Variants in PPP6R2 observed in about 807,000 individuals in gnomAD.
PPP6R2 encodes the protein serine/threonine-protein phosphatase 6 regulatory subunit 2.
PPP6R2 carries 62 observed loss-of-function variants against 100.2 expected under a neutral mutation model. That is an observed-to-expected ratio of 0.62 (90% CI 0.50 to 0.76). The LOEUF is 0.76. Among genes scored for constraint, PPP6R2 ranks in the 30% least tolerant of loss-of-function variants. The pLI is 0.00. For missense variants in PPP6R2, 1,142 were observed against 1,276.3 expected (o/e 0.89, Z 1.60); for synonymous variants, 525 against 514.7 (o/e 1.02, Z -0.27).
chr22:50,420,822 C>G (rs2061234065), intron 8 of PPP6R2, among the ~76,000 whole-genome samples: 1 of 152,246 alleles, frequency 6.6e-6, no homozygotes. Context: ...GCCCTTGAAC[C>G]CCATCTCTGG....
intron 1 of PPP6R2, among the ~76,000 whole-genome samples, chr22:50,350,887 A>G (rs1234014060): frequency 1.3e-5 from 2 of 151,662 alleles, no homozygotes; most frequent in Non-Finnish European, 2.9e-5. Context: ...GGGCTGCAGT[A>G]TGGAGTATGT....
At chr22:50,432,362 C>T (rs1350487531) in intron 12 of PPP6R2, 33 bp downstream of exon 12, 2 of 1,535,498 alleles carry the variant, frequency 1.3e-6, no homozygotes, top group Non-Finnish European at 1.8e-6. Flanking sequence ...GGGACCCAGC[C>T]TGGCCAGTCA....
chr22:50,383,550 G>A (rs1477650387), intron 2 of PPP6R2, among the ~76,000 whole-genome samples: 1 of 152,158 alleles, frequency 6.6e-6, no homozygotes, highest in African/African-American at 2.4e-5. Context: ...TGGCCCCCAA[G>A]TATGTCTTGT....
intron 5 of PPP6R2, 98 bp from the exon 6 acceptor site, chr22:50,415,994 T>C (rs1383042508): frequency 4.6e-6 from 5 of 1,091,068 alleles, no homozygotes; most frequent in South Asian, 3.9e-5. Flanking sequence ...GAGTCTATAT[T>C]CTAGAAAACG....
chr22:50,362,934 C>T (rs1222255695), intron 1 of PPP6R2, among the ~76,000 whole-genome samples: 3 of 152,128 alleles, frequency 2.0e-5, no homozygotes, highest in South Asian at 2.1e-4. Context: ...ACGAAGACAC[C>T]GGGTCAGTGG....
At chr22:50,384,242 A>G (rs2053726220) in intron 2 of PPP6R2, among the ~76,000 whole-genome samples, 2 of 152,024 alleles carry the variant, frequency 1.3e-5, no homozygotes, top group Admixed American at 6.6e-5. Flanking sequence ...TCTGCTGTTT[A>G]GAATACCTGA....
chr22:50,439,889 C>G, intron 20 of PPP6R2, 32 bp downstream of exon 20: 1 of 1,607,440 alleles, frequency 6.2e-7, no homozygotes, highest in Non-Finnish European at 8.5e-7. Flanking sequence ...GGGGGCTGTG[C>G]CAGGAAGTGC....
At chr22:50,432,361 C>T in intron 12 of PPP6R2, 32 bp downstream of exon 12, 1 of 1,534,824 alleles carries the variant, frequency 6.5e-7, no homozygotes, top group Non-Finnish European at 8.8e-7. Flanking sequence ...AGGGACCCAG[C>T]CTGGCCAGTC....
chr22:50,409,756 T>G (rs2059482250), intron 4 of PPP6R2, among the ~76,000 whole-genome samples: 1 of 151,776 alleles, frequency 6.6e-6, no homozygotes, highest in African/African-American at 2.4e-5. Context: ...AGATGGAGTT[T>G]TGCTTTGTTG....
At chr22:50,366,187 T>C (rs2048722314) in intron 1 of PPP6R2, among the ~76,000 whole-genome samples, 1 of 152,192 alleles carries the variant, frequency 6.6e-6, no homozygotes, top group South Asian at 2.1e-4. Context: ...AGGGCTAGTT[T>C]TGCTCTGCCA....
chr22:50,338,088 G>A, the PPP6R2 span, among the ~76,000 whole-genome samples: 1 of 142,092 alleles, frequency 7.0e-6, no homozygotes, highest in Non-Finnish European at 1.5e-5. Flanking sequence ...GTGATGTGTA[G>A]TGTGTGTGGT....
intron 1 of PPP6R2, among the ~76,000 whole-genome samples, chr22:50,357,860 G>A (rs1048401248): frequency 1.3e-5 from 2 of 151,656 alleles, no homozygotes; most frequent in Non-Finnish European, 2.9e-5. Context: ...TCCTGACCTC[G>A]TGATTCGTCC....
intron 3 of PPP6R2, among the ~76,000 whole-genome samples, chr22:50,396,614 T>G (rs1018549731): frequency 6.6e-6 from 1 of 152,078 alleles, no homozygotes; most frequent in African/African-American, 2.4e-5. Context: ...CATCCACGTC[T>G]CATAGCGTTG....
At chr22:50,436,346 C>T in intron 13 of PPP6R2, 21 bp from the exon 14 acceptor site, 1 of 1,557,932 alleles carries the variant, frequency 6.4e-7, no homozygotes, top group Non-Finnish European at 8.7e-7. Context: ...CAGGGCTCAC[C>T]AGGCAGCACT....
chr22:50,430,118 C>T (rs569102626), intron 10 of PPP6R2, among the ~76,000 whole-genome samples: 10 of 152,370 alleles, frequency 6.6e-5, no homozygotes, highest in East Asian at 1.9e-4. Context: ...GGGGCGAGTG[C>T]GTCAGACCTA....
chr22:50,365,772 C>G (rs1223153701), intron 1 of PPP6R2, among the ~76,000 whole-genome samples: 1 of 151,548 alleles, frequency 6.6e-6, no homozygotes, highest in Non-Finnish European at 1.5e-5. Flanking sequence ...CTCTGTCACT[C>G]AGGCTGGATT....
At chr22:50,354,050 A>G (rs2148151738) in intron 1 of PPP6R2, among the ~76,000 whole-genome samples, 1 of 152,294 alleles carries the variant, frequency 6.6e-6, no homozygotes, top group East Asian at 1.9e-4. Context: ...CATGCCTGTA[A>G]TCTCAGCACT....
At chr22:50,418,459 C>T (rs2060844136) in intron 6 of PPP6R2, among the ~76,000 whole-genome samples, 1 of 151,626 alleles carries the variant, frequency 6.6e-6, no homozygotes, top group Non-Finnish European at 1.5e-5. Flanking sequence ...GATCTTGGCT[C>T]ACTGCAAGCT....
At chr22:50,432,440 G>A in intron 12 of PPP6R2, 111 bp downstream of exon 12, 1 of 1,062,432 alleles carries the variant, frequency 9.4e-7, no homozygotes, top group Non-Finnish European at 1.4e-6. Context: ...ATCGGGTGGA[G>A]TGTAGGGTGT....
Sources: gnomAD v4.1 joint callset for allele counts (sites outside exome capture counted in the v4.1 genomes callset) on GRCh38, gnomAD v4.1.1 for gene constraint, MANE v1.5 for transcripts, NCBI Gene and HGNC (gene_info 2026-07-23, HGNC 2026-07-21) for gene names.